ZNF789: variants seen among roughly 807,000 people sequenced by gnomAD.
The protein encoded by ZNF789 is zinc finger protein 789.
A neutral mutation model predicts 15.6 loss-of-function variants in ZNF789; 11 were observed. The ratio of observed to expected loss-of-function variants is 0.70; its 90% CI spans 0.44 to 1.16. The LOEUF is 1.16. Ranked by LOEUF, ZNF789 falls within the 50% of genes most tolerant of loss-of-function variation. The pLI is 0.00. For synonymous variants in ZNF789, 159 were observed against 176.0 expected, an observed-to-expected ratio of 0.90 and a Z score of 0.76; for missense variants, 461 against 512.6, an observed-to-expected ratio of 0.90 and a Z score of 0.97.
rs191678717 is a variant in ZNF789 at position 99,483,090 on chromosome 7, C to T, written c.152-940C>T. Among the ~76,000 whole-genome samples, 895 of 150,730 alleles carry T rather than the reference C, an allele frequency of 5.9e-3. 6 individuals carry two copies. Among genetic ancestry groups the T allele is most frequent in the African/African-American group, 0.021 (859 of 41,002 alleles). On this transcript the variant is annotated intron_variant, in intron 3 of 4. Transcript: ENST00000331410. ...ATTAAAAATGTAAAAATTAGCTGGG[C>T]GTGGTGGCCACATGCCTGTAATTCC...
chr7:99,482,375 T>G, intron 3 of ZNF789: 1 of 650,818 alleles, frequency 1.5e-6, no homozygotes, highest in East Asian at 2.7e-5. Context: ...ATTAACTGTG[T>G]GTTGTGCACC....
Position 99,484,065 on chromosome 7 carries a change from C to A in ZNF789, c.187C>A (p.Leu63Met). 6.2e-7 allele frequency: 1 copy of A among 1,614,040 alleles called. No homozygotes were observed. Among genetic ancestry groups the A allele is most frequent in the Non-Finnish European group, 8.5e-7 (1 of 1,180,012 alleles). The change falls in exon 4 of 5, where the codon CTG becomes ATG. Residue 63 changes from leucine to methionine, a missense_variant. Physicochemically the swap from Leu to Met is conservative, Grantham distance 15. Coordinates refer to ENST00000331410, the MANE Select transcript of ZNF789 (RefSeq NM_213603.3). ...TCCCAAACCTGAGATGATCTGTCAG[C>A]TGGAGAACTGGGACGAGCAGTGGAT... Reference protein sequence around the residue: ...QFPKPEMICQLENWDEQWILD... With the variant: ...QFPKPEMICQMENWDEQWILD...
At chr7:99,481,267 G>A (rs185422846) in intron 3 of ZNF789, 6 of 152,314 alleles carry the variant, frequency 3.9e-5, no homozygotes, top group African/African-American at 1.2e-4. Flanking sequence ...TGGTTTGCTT[G>A]TGTATTTATA....
intron 4 of ZNF789, chr7:99,485,257 G>C: frequency 1.3e-6 from 2 of 1,524,220 alleles, no homozygotes; most frequent in Non-Finnish European, 1.8e-6. Flanking sequence ...CACTACTGAC[G>C]TTTTGGGCTG....
rs115843986 is a variant in ZNF789, at chr7:99,484,227, G to A, written c.265+84G>A. 2,006 of 1,053,890 alleles carry A rather than the reference G, an allele frequency of 1.9e-3. 26 individuals are homozygous for A. The African/African-American group carries it at 0.03, about 16-fold the overall frequency. The allele number at this position is 1,053,890 out of a possible 1,614,324, so 65.3% of individuals were successfully genotyped here. On this transcript the variant is annotated intron_variant, in intron 4 of 4. Coordinates refer to ENST00000331410, the MANE Select transcript of ZNF789 (RefSeq NM_213603.3). ...GTGAAGCCCCTTCTGTGTGCCAGACGCTGAGCCAGGTGCTGGGCATATATT... is the reference window on the plus strand; with the variant it reads ...GTGAAGCCCCTTCTGTGTGCCAGACACTGAGCCAGGTGCTGGGCATATATT...
At chr7:99,479,634 A>G (rs1799513573) in intron 2 of ZNF789, 27 bp from the exon 3 acceptor site, 1 of 1,568,768 alleles carries the variant, frequency 6.4e-7, no homozygotes, top group African/African-American at 1.4e-5. Flanking sequence ...TAAGAATTGC[A>G]GTTACCTTTA....
chr7:99,485,292 G>T (rs1315005148), intron 4 of ZNF789: 2 of 1,330,268 alleles, frequency 1.5e-6, no homozygotes, highest in Non-Finnish European at 2.1e-6. Context: ...GACAGGATGG[G>T]GCATGTCCTG....
Position 99,486,627 on chromosome 7 carries a change from C to G in ZNF789, c.417C>G (p.Cys139Trp). Residue 139 changes from cysteine to tryptophan, a missense_variant, in exon 5 of 5, where the codon TGC becomes TGG. By Grantham distance (215) the Cys-to-Trp change is radical. Coordinates refer to ENST00000331410, the MANE Select transcript of ZNF789 (RefSeq NM_213603.3). ...AGTGTAAAGAATTTGTGGACAGTTG[C>G]AGGCTTACTTTCCCTACTAGTGGTG... Reference protein sequence around the residue: ...LHKCKEFVDSCRLTFPTSGDE... With the variant: ...LHKCKEFVDSWRLTFPTSGDE... The G allele has an allele frequency of 6.2e-7, 1 of 1,614,180 alleles. No individual in the cohort carries two copies. The highest frequency in any genetic ancestry group is 1.1e-5 in the South Asian group (1 of 91,082).
intron 3 of ZNF789, chr7:99,482,091 G>C (rs2151064659): frequency 2.6e-6 from 2 of 774,850 alleles, no homozygotes; most frequent in Non-Finnish European, 4.8e-6. Flanking sequence ...ATTCACTTAT[G>C]TTTCATATAC....
At chr7:99,475,962 G>A (rs1205934032) in intron 1 of ZNF789, among the ~76,000 whole-genome samples, 5 of 151,984 alleles carry the variant, frequency 3.3e-5, no homozygotes, top group South Asian at 4.2e-4. Flanking sequence ...CTGCCACCTC[G>A]CCCAGGTAAT....
chr7:99,480,003 G>T, intron 3 of ZNF789: 1 of 599,482 alleles, frequency 1.7e-6, no homozygotes, highest in Non-Finnish European at 2.7e-6. Flanking sequence ...TTCCAACTTG[G>T]TGTGCATATC....
intron 2 of ZNF789, among the ~76,000 whole-genome samples, chr7:99,478,047 G>A (rs1024857801): frequency 1.3e-5 from 2 of 152,162 alleles, no homozygotes; most frequent in Non-Finnish European, 2.9e-5. Context: ...AGCTGTTGAT[G>A]GGTTCTTGGA....
At chr7:99,481,433 C>A (rs1799621497) in intron 3 of ZNF789, 1 of 152,040 alleles carries the variant, frequency 6.6e-6, no homozygotes, top group Non-Finnish European at 1.5e-5. Context: ...TACTGTTTTG[C>A]ATATCCAATA....
At chr7:99,482,186 A>G (rs764523514) in intron 3 of ZNF789, 10 of 779,230 alleles carry the variant, frequency 1.3e-5, no homozygotes, top group East Asian at 2.4e-5. Flanking sequence ...TGATGCTGCA[A>G]TACCACTGTG....
chr7:99,475,047 G>T (rs1562879900), intron 1 of ZNF789, among the ~76,000 whole-genome samples: 1 of 152,054 alleles, frequency 6.6e-6, no homozygotes, highest in Non-Finnish European at 1.5e-5. Flanking sequence ...GTGTTTGAGG[G>T]GCATCCATTA....
chr7:99,473,597 C>A (rs1799139843), intron 1 of ZNF789, among the ~76,000 whole-genome samples: 1 of 152,122 alleles, frequency 6.6e-6, no homozygotes, highest in Admixed American at 6.5e-5. Context: ...GGTCAGCGCA[C>A]ACTTTTCAGG....
intron 1 of ZNF789, among the ~76,000 whole-genome samples, chr7:99,474,220 T>C (rs1428442773): frequency 6.6e-6 from 1 of 152,184 alleles, no homozygotes; most frequent in East Asian, 1.9e-4. Flanking sequence ...AGAATTGTCT[T>C]GGACTACACA....
chr7:99,478,220 A>G (rs1444504916), intron 2 of ZNF789: 1 of 1,232,232 alleles, frequency 8.1e-7, no homozygotes, highest in African/African-American at 1.5e-5. Context: ...ACCATGCCAC[A>G]ATGACTCTGG....
At chr7:99,479,860 C>A in intron 3 of ZNF789, 73 bp downstream of exon 3, 1 of 1,466,626 alleles carries the variant, frequency 6.8e-7, no homozygotes, top group Non-Finnish European at 9.1e-7. Context: ...CCCTTATCTG[C>A]AATTCCAGAA....
Sources: gnomAD v4.1 joint callset for allele counts (sites outside exome capture counted in the v4.1 genomes callset) on GRCh38, gnomAD v4.1.1 for gene constraint, MANE v1.5 for transcripts, NCBI Gene and HGNC (gene_info 2026-07-23, HGNC 2026-07-21) for gene names.